WDFY3: variants seen among roughly 807,000 people sequenced by gnomAD.
The protein encoded by WDFY3 is WD repeat and FYVE domain containing 3, also known as WD repeat and FYVE domain-containing protein 3.
WDFY3 carries 66 observed loss-of-function variants against 409.6 expected under a neutral mutation model. The ratio of observed to expected loss-of-function variants is 0.16; its 90% confidence interval spans 0.13 to 0.20. The LOEUF (loss-of-function observed/expected upper bound fraction) is 0.20, where lower values mean the gene tolerates loss of function less well. Ranked by LOEUF, WDFY3 falls within the 10% of genes least tolerant of loss-of-function variation. The pLI is 1.00. For missense variants in WDFY3, 3,031 were observed against 4,298.1 expected, an observed-to-expected ratio of 0.71 and a Z score of 8.24; for synonymous variants, 1,521 against 1,537.1, an observed-to-expected ratio of 0.99 and a Z score of 0.25.
intron 1 of WDFY3, among the ~76,000 whole-genome samples, chr4:84,944,783 C>A (rs899345364): frequency 1.3e-5 from 2 of 152,036 alleles, no homozygotes; most frequent in African/African-American, 2.4e-5. Flanking sequence ...CAGAGTGAGA[C>A]TTCCTCTCAA....
intron 40 of WDFY3, 57 bp from the exon 41 acceptor site, chr4:84,737,423 T>G: frequency 6.8e-7 from 1 of 1,475,582 alleles, no homozygotes; most frequent in Non-Finnish European, 9.0e-7. Flanking sequence ...AAACACAGTA[T>G]AAAGTTAGTT....
intron 33 of WDFY3, 59 bp downstream of exon 33, chr4:84,756,867 T>A: frequency 6.6e-7 from 1 of 1,513,682 alleles, no homozygotes; most frequent in Non-Finnish European, 9.1e-7. Flanking sequence ...TTATCCATTA[T>A]CCTACGGTGA....
rs1760474350 is a variant in WDFY3, at chr4:84,860,632, A to T, written c.-31-10T>A. ...AGACGCACTTCTAATTCTGTAGGAA[A>T]ATGTCAATACATGAACAGTCAAAAC... On this transcript the variant is annotated splice_polypyrimidine_tract_variant and intron_variant, in intron 3 of 67. Transcript: ENST00000295888. The T allele has an allele frequency of 1.3e-6, 2 of 1,554,794 alleles. No homozygotes were observed. The highest frequency in any genetic ancestry group is 1.7e-6 in the Non-Finnish European group (2 of 1,143,676).
chr4:84,774,695 G>T, intron 29 of WDFY3, 125 bp downstream of exon 29: 1 of 990,438 alleles, frequency 1.0e-6, no homozygotes, highest in Non-Finnish European at 1.4e-6. Flanking sequence ...TAAATATTTT[G>T]AATCGTATTA....
intron 54 of WDFY3, among the ~76,000 whole-genome samples, chr4:84,704,766 T>C (rs1731645260): frequency 1.3e-5 from 2 of 152,194 alleles, no homozygotes; most frequent in Admixed American, 6.5e-5. Flanking sequence ...TGACTTATAG[T>C]TTTTATTAGG....
intron 33 of WDFY3, 134 bp downstream of exon 33, chr4:84,756,792 T>G: frequency 1.8e-6 from 2 of 1,099,536 alleles, no homozygotes; most frequent in Non-Finnish European, 2.6e-6. Flanking sequence ...TTTCAGATTT[T>G]TCTGTCCCAA....
chr4:84,692,573 A>AT (rs1054137421), intron 59 of WDFY3, among the ~76,000 whole-genome samples: 4 of 152,012 alleles, frequency 2.6e-5, no homozygotes, highest in Admixed American at 6.6e-5. Context: ...ATGAAGACAA[A>AT]TTTTTTTTAT....
intron 3 of WDFY3, among the ~76,000 whole-genome samples, chr4:84,883,708 G>C (rs1281884901): frequency 2.0e-5 from 3 of 152,016 alleles, no homozygotes; most frequent in East Asian, 1.9e-4. Flanking sequence ...ACCTCAACTA[G>C]AGCTGGGGAA....
chr4:84,749,290 G>A (rs913379923), intron 36 of WDFY3, among the ~76,000 whole-genome samples: 1 of 152,046 alleles, frequency 6.6e-6, no homozygotes, highest in African/African-American at 2.4e-5. Context: ...GGAAGACATA[G>A]AATGTTAATA....
chr4:84,909,482 A>C (rs904984487), intron 2 of WDFY3, among the ~76,000 whole-genome samples: 2 of 152,148 alleles, frequency 1.3e-5, no homozygotes, highest in Admixed American at 1.3e-4. Flanking sequence ...ATGACATCTA[A>C]TGTTCTCCTA....
intron 4 of WDFY3, among the ~76,000 whole-genome samples, chr4:84,857,655 C>T (rs1759951896): frequency 6.6e-6 from 1 of 152,118 alleles, no homozygotes; most frequent in Non-Finnish European, 1.5e-5. Context: ...AATGGCTTGT[C>T]ATAGTTCTCT....
chr4:84,941,999 C>G (rs140292568), intron 1 of WDFY3, among the ~76,000 whole-genome samples: 12 of 152,044 alleles, frequency 7.9e-5, no homozygotes, highest in African/African-American at 2.9e-4. Context: ...ATAAAACTCA[C>G]AAAAACTTCA....
chr4:84,694,212 A>G (rs1447216693), intron 58 of WDFY3, among the ~76,000 whole-genome samples: 1 of 152,198 alleles, frequency 6.6e-6, no homozygotes, highest in Non-Finnish European at 1.5e-5. Flanking sequence ...CTATAAAGAT[A>G]CATAGTTTTA....
chr4:84,786,233 T>C lies in WDFY3; in HGVS notation c.3902-94A>G, dbSNP rs537215230. The C allele has an allele frequency of 2.7e-4, 339 of 1,251,638 alleles. 3 individuals carry two copies. The South Asian group carries it at 3.9e-3, about 14-fold the overall frequency. 77.5% of individuals were successfully genotyped at this position (1,251,638 alleles called of 1,614,324 possible). A position where few individuals can be genotyped will look rare whatever the true frequency, so the allele number is the denominator to read the frequency against. On this transcript the variant is annotated intron_variant, in intron 23 of 67. Coordinates refer to ENST00000295888, the MANE Select transcript of WDFY3 (RefSeq NM_014991.6). ...TACTATCATTTTTAAATGAGGAGGC[T>C]TGAAAGTCTTAAAGTAGAATAAGAG...
intron 2 of WDFY3, among the ~76,000 whole-genome samples, chr4:84,910,253 T>C (rs1207075407): frequency 1.3e-5 from 2 of 152,210 alleles, no homozygotes; most frequent in African/African-American, 4.8e-5. Flanking sequence ...TGCCATTTCC[T>C]ATCACGGACT....
At chr4:84,760,140 C>G (rs1015146233) in intron 32 of WDFY3, among the ~76,000 whole-genome samples, 223 of 151,814 alleles carry the variant, frequency 1.5e-3, no homozygotes, top group African/African-American at 4.9e-3. Context: ...AGCCTTGCAT[C>G]CCAGGGATGA....
chr4:84,835,839 C>A (rs557433747), intron 7 of WDFY3, among the ~76,000 whole-genome samples: 1 of 152,188 alleles, frequency 6.6e-6, no homozygotes, highest in South Asian at 2.1e-4. Flanking sequence ...ATCACAGTTA[C>A]TTCTCCTTCC....
chr4:84,685,376 G>T lies in WDFY3; in HGVS notation c.9544-1251C>A, dbSNP rs572671572. 7.9e-5 allele frequency among the ~76,000 whole-genome samples: 12 copies of T among 152,282 alleles called. No individual in the cohort carries two copies. The South Asian group carries it at 1.2e-3, about 16-fold the overall frequency. The stretch of plus-strand genomic sequence containing the variant: ...TGCTCCTTGCTCCTCCCACCCCCTA[G>T]CTCTTCTTCTACCAAAATGGCAAGA... On this transcript the variant is annotated intron_variant, in intron 62 of 67. Transcript: ENST00000295888.
Position 84,850,926 on chromosome 4 carries a change from C to CTTTTTTTTTTTTTTTTTT in WDFY3, c.181-902_181-901insAAAAAAAAAAAAAAAAAA, listed in dbSNP as rs781440189. On this transcript the variant is annotated intron_variant, in intron 4 of 67. Transcript: ENST00000295888. ...AATTCTTATTTTTAATTTTATTTATCTGTTTTTTTTTTTTTTTTTTTTTTT... is the reference window on the plus strand; with the variant it reads ...AATTCTTATTTTTAATTTTATTTATCTTTTTTTTTTTTTTTTTTTGTTTTTTTTTTTTTTTTTTTTTTT... Among the ~76,000 whole-genome samples, 67 of 32,154 alleles carry CTTTTTTTTTTTTTTTTTT rather than the reference C, an allele frequency of 2.1e-3. 10 individuals carry two copies. Among genetic ancestry groups the CTTTTTTTTTTTTTTTTTT allele is most frequent in the South Asian group, 6.9e-3 (5 of 722 alleles). 21.1% of individuals were successfully genotyped at this position (32,154 alleles called of 152,430 possible).
Sources: allele counts gnomAD v4.1 joint callset (sites outside exome capture counted in the v4.1 genomes callset), GRCh38; gene constraint gnomAD v4.1.1; transcripts MANE v1.5; gene names NCBI Gene and HGNC (gene_info 2026-07-23, HGNC 2026-07-21).